The following CTNNA2 variants were observed in gnomAD, a reference collection of about 807,000 sequenced individuals.
CTNNA2 encodes catenin alpha 2.
A neutral mutation model predicts 101.0 loss-of-function variants in CTNNA2; 42 were observed. The ratio of observed to expected loss-of-function variants is 0.42; its 90% CI spans 0.32 to 0.54. The LOEUF is 0.54. Ranked by LOEUF, CTNNA2 falls within the 20% of genes least tolerant of loss-of-function variation. CTNNA2 has a pLI of 0.14. For synonymous variants in CTNNA2, 450 were observed against 456.4 expected (o/e 0.99, Z 0.18); for missense variants, 871 against 1,223.1 (o/e 0.71, Z 4.29).
intron 7 of CTNNA2, among the ~76,000 whole-genome samples, chr2:80,274,286 C>T (rs1558960195): frequency 6.6e-6 from 1 of 152,260 alleles, no homozygotes; most frequent in East Asian, 1.9e-4. Flanking sequence ...CAGAGACTGT[C>T]CTTTTGCAAA....
chr2:80,344,684 C>G lies in CTNNA2; in HGVS notation c.1057-48527C>G, dbSNP rs12623325. Among the ~76,000 whole-genome samples, 1,430 of 152,286 alleles carry G rather than the reference C, an allele frequency of 9.4e-3. 55 individuals are homozygous for G. The highest frequency in any genetic ancestry group is 0.086 in the East Asian group (443 of 5,166). ...TATTTTTTGTAGATGTGGTGTTTCTCCATGTTGCCCAGGCTGGTCTTGAGC... is the reference window on the plus strand; with the variant it reads ...TATTTTTTGTAGATGTGGTGTTTCTGCATGTTGCCCAGGCTGGTCTTGAGC... On this transcript the variant is annotated intron_variant, in intron 7 of 18. Transcript: ENST00000402739.
chr2:80,491,257 C>T (rs1004705815), intron 9 of CTNNA2, among the ~76,000 whole-genome samples: 1 of 152,166 alleles, frequency 6.6e-6, no homozygotes, highest in Admixed American at 6.5e-5. Flanking sequence ...AGGAATTACA[C>T]GTGAGCATCC....
intron 7 of CTNNA2, among the ~76,000 whole-genome samples, chr2:79,923,818 T>G (rs1340182870): frequency 6.6e-6 from 1 of 152,160 alleles, no homozygotes; most frequent in African/African-American, 2.4e-5. Context: ...TTTTGTAGAT[T>G]CCACATAAAA....
At chr2:80,384,196 C>T (rs570973321) in intron 7 of CTNNA2, among the ~76,000 whole-genome samples, 65 of 151,744 alleles carry the variant, frequency 4.3e-4, no homozygotes, top group Admixed American at 1.2e-3. Context: ...GGAGAGGATC[C>T]GAAAAAATAT....
At chr2:80,012,381 T>C (rs371170082) in intron 7 of CTNNA2, among the ~76,000 whole-genome samples, 1 of 152,268 alleles carries the variant, frequency 6.6e-6, no homozygotes. Flanking sequence ...TTGAGGCAAA[T>C]CTTATAAAGC....
At chr2:80,245,708 A>G (rs1671266738) in intron 7 of CTNNA2, among the ~76,000 whole-genome samples, 1 of 151,166 alleles carries the variant, frequency 6.6e-6, no homozygotes, top group Non-Finnish European at 1.5e-5. Flanking sequence ...TGTCCTATTA[A>G]TCTGACAGCT....
chr2:79,563,749 G>A (rs1674937058), intron 1 of CTNNA2, among the ~76,000 whole-genome samples: 1 of 152,104 alleles, frequency 6.6e-6, no homozygotes, highest in Non-Finnish European at 1.5e-5. Flanking sequence ...TCATAATTAT[G>A]TTATGTGGAA....
chr2:79,535,214 A>G (rs763110537), intron 1 of CTNNA2, among the ~76,000 whole-genome samples: 7 of 151,842 alleles, frequency 4.6e-5, no homozygotes, highest in African/African-American at 9.7e-5. Flanking sequence ...TTCAATGAAC[A>G]TATTTTGCTC....
intron 3 of CTNNA2, among the ~76,000 whole-genome samples, chr2:79,326,651 A>G (rs1003959479): frequency 2.6e-5 from 4 of 152,092 alleles, no homozygotes; most frequent in Non-Finnish European, 1.5e-5. Context: ...TTCTAAAGTG[A>G]CTCTCACATA....
intron 9 of CTNNA2, among the ~76,000 whole-genome samples, chr2:80,451,668 G>A (rs1295782416): frequency 6.6e-6 from 1 of 151,990 alleles, no homozygotes; most frequent in Admixed American, 6.5e-5. Context: ...ATTTAGATTT[G>A]TTCTCTTAGA....
At chr2:80,494,912 A>G (rs976556201) in intron 9 of CTNNA2, among the ~76,000 whole-genome samples, 7 of 152,206 alleles carry the variant, frequency 4.6e-5, no homozygotes, top group Non-Finnish European at 1.0e-4. Flanking sequence ...AGAATCAGAT[A>G]TGGCGTAATT....
intron 2 of CTNNA2, among the ~76,000 whole-genome samples, chr2:79,670,274 A>G (rs930290846): frequency 1.7e-4 from 26 of 152,186 alleles, no homozygotes; most frequent in Admixed American, 8.5e-4. Flanking sequence ...ATGGAAGGGC[A>G]GATCCTGCCC....
chr2:80,515,025 G>A (rs1376653452), intron 9 of CTNNA2, among the ~76,000 whole-genome samples: 2 of 152,132 alleles, frequency 1.3e-5, no homozygotes, highest in East Asian at 3.9e-4. Context: ...GAAGAGGAGT[G>A]TGTCAAGTCC....
chr2:80,092,241 A>G (rs1355305199), intron 7 of CTNNA2, among the ~76,000 whole-genome samples: 1 of 152,184 alleles, frequency 6.6e-6, no homozygotes, highest in Non-Finnish European at 1.5e-5. Context: ...AACTCTGCAC[A>G]GGTGCAAATA....
In CTNNA2 at chr2:80,009,275, A is replaced by G. The variant is rs187408865; in HGVS notation, c.1056+99478A>G. 2.1e-3 allele frequency among the ~76,000 whole-genome samples: 315 copies of G among 152,240 alleles called. 1 individual carries two copies. Among genetic ancestry groups the G allele is most frequent in the Admixed American group, 0.019 (283 of 15,290 alleles). ...CTGCATCTGGGCCTTCAATGTGATT[A>G]TTTTACTCTGAGAACTGCAGCCTTC... On this transcript the variant is annotated intron_variant, in intron 7 of 18. Transcript: ENST00000402739.
In CTNNA2 at chr2:80,047,544, C is replaced by G. The variant is rs72924617; in HGVS notation, c.1056+137747C>G. ...GCTGACTCTGCTGACAATCAGCAAG[C>G]CTCCCCTCCTTGGATATTCTCCAGT... On this transcript the variant is annotated intron_variant, in intron 7 of 18. Coordinates refer to ENST00000402739, the MANE Select transcript of CTNNA2 (RefSeq NM_001282597.3). Among the ~76,000 whole-genome samples the G allele has an allele frequency of 4.4e-3, 663 of 152,250 alleles. 7 individuals carry two copies. Among genetic ancestry groups the G allele is most frequent in the African/African-American group, 0.015 (637 of 41,546 alleles).
intron 2 of CTNNA2, among the ~76,000 whole-genome samples, chr2:79,690,290 A>G (rs890719060): frequency 2.0e-5 from 3 of 152,218 alleles, no homozygotes; most frequent in African/African-American, 7.2e-5. Flanking sequence ...TGGAAGAATT[A>G]TTGGAACACT....
intron 7 of CTNNA2, among the ~76,000 whole-genome samples, chr2:80,043,031 CTTTCTTTCCT>C (rs1696186361): frequency 1.7e-5 from 1 of 60,320 alleles, no homozygotes. Flanking sequence ...TTCTTTCTTT[CTTTCTTTCCT>C]TCTTTCTTTC....
intron 1 of CTNNA2, among the ~76,000 whole-genome samples, chr2:79,602,124 G>C (rs886841880): frequency 2.0e-5 from 3 of 152,160 alleles, no homozygotes; most frequent in Admixed American, 2.0e-4. Context: ...TTGAAAGATC[G>C]TAAGTTGAAC....
Sources: allele counts gnomAD v4.1 joint callset (sites outside exome capture counted in the v4.1 genomes callset), GRCh38; gene constraint gnomAD v4.1.1; transcripts MANE v1.5; gene names NCBI Gene and HGNC (gene_info 2026-07-23, HGNC 2026-07-21).